MAGI2: variants seen among roughly 807,000 people sequenced by gnomAD.
MAGI2 encodes membrane-associated guanylate kinase, WW and PDZ domain-containing protein 2.
A neutral mutation model predicts 133.3 loss-of-function variants in MAGI2; 35 were observed. That is an observed-to-expected ratio of 0.26 (90% CI 0.20 to 0.35). The LOEUF (loss-of-function observed/expected upper bound fraction) is 0.35, where lower values mean the gene tolerates loss of function less well. Among genes scored for constraint, MAGI2 ranks in the 10% least tolerant of loss-of-function variants. The pLI is 1.00. For synonymous variants in MAGI2, 729 were observed against 710.6 expected (o/e 1.03, Z -0.41); for missense variants, 1,636 against 1,863.4 (o/e 0.88, Z 2.25).
chr7:79,244,076 A>C (rs1832634197), intron 1 of MAGI2, among the ~76,000 whole-genome samples: 1 of 152,236 alleles, frequency 6.6e-6, no homozygotes, highest in African/African-American at 2.4e-5. Context: ...AGGTCTTTGT[A>C]TAAGTAATGC....
At chr7:79,064,995 CCAAA>C (rs938607815) in intron 1 of MAGI2, among the ~76,000 whole-genome samples, 20 of 152,010 alleles carry the variant, frequency 1.3e-4, no homozygotes, top group Non-Finnish European at 2.2e-4. Flanking sequence ...AACCTGGTCT[CCAAA>C]CAAACTATGC....
intron 1 of MAGI2, among the ~76,000 whole-genome samples, chr7:79,261,683 G>A (rs542355977): frequency 6.6e-6 from 1 of 152,150 alleles, no homozygotes; most frequent in South Asian, 2.1e-4. Flanking sequence ...ACATTGTCTA[G>A]ATATTGGGTC....
rs192798137 is a variant in MAGI2, at chr7:78,378,010, C to T, written c.1046-8797G>A. 8.1e-4 allele frequency among the ~76,000 whole-genome samples: 123 copies of T among 152,012 alleles called. 1 individual carries two copies. The Middle Eastern group carries it at 0.01, about 13-fold the overall frequency. ...AAACAAATACTTATAAATAAAAACACCACTTTGAATCACATATTTAAAAGC... is the reference window on the plus strand; with the variant it reads ...AAACAAATACTTATAAATAAAAACATCACTTTGAATCACATATTTAAAAGC... On this transcript the variant is annotated intron_variant, in intron 6 of 21. Transcript: ENST00000354212.
chr7:78,518,755 C>A (rs1014584840), intron 4 of MAGI2: 1 of 152,062 alleles, frequency 6.6e-6, no homozygotes, highest in African/African-American at 2.4e-5. Context: ...TTGTCTTAGA[C>A]GAGGTCTCAC....
intron 1 of MAGI2, among the ~76,000 whole-genome samples, chr7:79,160,799 G>T (rs1287043606): frequency 6.6e-6 from 1 of 152,014 alleles, no homozygotes; most frequent in Non-Finnish European, 1.5e-5. Flanking sequence ...ATATCAGACA[G>T]GCTTTATGAT....
intron 3 of MAGI2, among the ~76,000 whole-genome samples, chr7:78,557,080 CAAAAAA>C (rs796371005): frequency 4.9e-5 from 2 of 40,952 alleles, no homozygotes; most frequent in African/African-American, 1.2e-4. Flanking sequence ...GGCAGAGTCT[CAAAAAA>C]AAAAAAAAAA....
intron 21 of MAGI2, among the ~76,000 whole-genome samples, chr7:78,020,186 C>T (rs896671797): frequency 6.6e-6 from 1 of 151,978 alleles, no homozygotes; most frequent in Non-Finnish European, 1.5e-5. Flanking sequence ...GCTTAGCCCC[C>T]ACGCCCCGAA....
chr7:78,393,239 G>A (rs1359948731), intron 6 of MAGI2, among the ~76,000 whole-genome samples: 1 of 152,138 alleles, frequency 6.6e-6, no homozygotes, highest in African/African-American at 2.4e-5. Flanking sequence ...GGAAACATAG[G>A]AACAAAGGCA....
At chr7:78,449,025 A>G (rs563823037) in intron 6 of MAGI2, among the ~76,000 whole-genome samples, 1 of 152,036 alleles carries the variant, frequency 6.6e-6, no homozygotes, top group Non-Finnish European at 1.5e-5. Context: ...CAGTCACTCA[A>G]TCTGATGGTT....
chr7:78,044,697 G>GTGTGTGTGTGTA (rs879870570), intron 21 of MAGI2, among the ~76,000 whole-genome samples: 1 of 112,336 alleles, frequency 8.9e-6, no homozygotes, highest in Non-Finnish European at 1.9e-5. Flanking sequence ...GTGTGTGTGT[G>GTGTGTGTGTGTA]TGTGTGTGCA....
chr7:78,959,165 T>C (rs74336210), intron 2 of MAGI2, among the ~76,000 whole-genome samples: 3,986 of 152,234 alleles, frequency 0.026, 177 homozygotes, highest in African/African-American at 0.09. Flanking sequence ...TTCATAATTA[T>C]GGTTGCTGAA....
chr7:78,824,295 A>G (rs1356353408), intron 2 of MAGI2, among the ~76,000 whole-genome samples: 1 of 152,176 alleles, frequency 6.6e-6, no homozygotes, highest in Non-Finnish European at 1.5e-5. Flanking sequence ...TATACTCAGT[A>G]ATGAGATTGC....
chr7:78,132,902 C>T lies in MAGI2; in HGVS notation c.3190G>A (p.Gly1064Arg). 1 of 1,613,994 alleles carries T rather than the reference C, an allele frequency of 6.2e-7. No individual in the cohort carries two copies. The highest frequency in any genetic ancestry group is 8.5e-7 in the Non-Finnish European group (1 of 1,179,962). The change falls in exon 18 of 22, where the codon GGA (glycine) becomes AGA (arginine). Residue 1064 changes from glycine to arginine, a missense_variant. Gly to Arg is a moderately radical substitution (Grantham distance 125). Transcript: ENST00000354212. ...PAPPQPLQLQ[G>R]HENSYRSEVK... ...AGGAAATTTTACCTATTTTCGTGTC[C>T]TTGCAGCTGAAGTGGTTGAGGTGGT... is the stretch of plus-strand genomic sequence containing the variant.
chr7:78,635,140 C>A (rs974400223), intron 2 of MAGI2, among the ~76,000 whole-genome samples: 2 of 152,132 alleles, frequency 1.3e-5, no homozygotes, highest in Non-Finnish European at 2.9e-5. Flanking sequence ...CATGTCTAAA[C>A]AAAATGCATT....
chr7:79,114,711 C>T (rs984721579), intron 1 of MAGI2, among the ~76,000 whole-genome samples: 3 of 152,108 alleles, frequency 2.0e-5, no homozygotes, highest in African/African-American at 7.2e-5. Flanking sequence ...TGATACATAC[C>T]ATTTGGATTT....
chr7:78,518,223 G>C (rs1273995889), intron 4 of MAGI2: 1 of 152,114 alleles, frequency 6.6e-6, no homozygotes, highest in African/African-American at 2.4e-5. Flanking sequence ...GAAGTTTTTG[G>C]TAACTAGAAA....
intron 2 of MAGI2, among the ~76,000 whole-genome samples, chr7:78,848,643 A>G (rs551080754): frequency 7.2e-5 from 11 of 152,042 alleles, no homozygotes; most frequent in African/African-American, 2.7e-4. Context: ...CTAAAATTCA[A>G]TAACATGTAT....
chr7:78,101,300 A>G (rs1036479139), intron 20 of MAGI2, among the ~76,000 whole-genome samples: 9 of 152,222 alleles, frequency 5.9e-5, no homozygotes, highest in Non-Finnish European at 1.2e-4. Flanking sequence ...ATTTCAAATT[A>G]TATTACAAGG....
intron 21 of MAGI2, among the ~76,000 whole-genome samples, chr7:78,036,070 T>A (rs1473220039): frequency 6.6e-6 from 1 of 152,184 alleles, no homozygotes; most frequent in Non-Finnish European, 1.5e-5. Flanking sequence ...TGTGTGTGTA[T>A]TTTTTAAGGC....
Sources: gnomAD v4.1 joint callset for allele counts (sites outside exome capture counted in the v4.1 genomes callset) on GRCh38, gnomAD v4.1.1 for gene constraint, MANE v1.5 for transcripts, NCBI Gene and HGNC (gene_info 2026-07-23, HGNC 2026-07-21) for gene names.